KCNH5: variants seen among roughly 807,000 people sequenced by gnomAD.
The protein encoded by KCNH5 is voltage-gated delayed rectifier potassium channel KCNH5.
In KCNH5, 46 loss-of-function variants were observed where a neutral mutation model predicts 96.1. That is an observed-to-expected ratio of 0.48 (90% CI 0.38 to 0.61). KCNH5 has a LOEUF of 0.61. KCNH5 is among the 20% of genes least tolerant of loss of function. The pLI is 0.00. For missense variants in KCNH5, 907 were observed against 1,225.8 expected, an observed-to-expected ratio of 0.74 and a Z score of 3.88; for synonymous variants, 439 against 449.8, an observed-to-expected ratio of 0.98 and a Z score of 0.30.
intron 1 of KCNH5, among the ~76,000 whole-genome samples, chr14:63,027,829 T>C (rs1199667941): frequency 1.3e-5 from 2 of 152,100 alleles, no homozygotes; most frequent in Admixed American, 1.3e-4. Flanking sequence ...AATAGTGTTT[T>C]TCAAACTTTT....
At chr14:62,855,360 T>C (rs1887907601) in intron 7 of KCNH5, among the ~76,000 whole-genome samples, 1 of 152,214 alleles carries the variant, frequency 6.6e-6, no homozygotes, top group Admixed American at 6.5e-5. Flanking sequence ...TGTGATTGTA[T>C]GTGCAGGATA....
At chr14:62,919,120 A>C (rs904459941) in intron 7 of KCNH5, among the ~76,000 whole-genome samples, 4 of 152,128 alleles carry the variant, frequency 2.6e-5, no homozygotes, top group Non-Finnish European at 4.4e-5. Context: ...GTATAGTTTC[A>C]TACATAAAAA....
chr14:62,970,593 T>C lies in KCNH5; in HGVS notation c.942+10279A>G, dbSNP rs368755271. Reference sequence around the variant, plus strand: ...ATGTAAAAATTCTCAACAAAATGTTTTGTTAATATTTGATTTAAAAAAATT... The same window carrying C: ...ATGTAAAAATTCTCAACAAAATGTTCTGTTAATATTTGATTTAAAAAAATT... On this transcript the variant is annotated intron_variant, in intron 6 of 10. Transcript: ENST00000322893. Among the ~76,000 whole-genome samples, 13 of 152,312 alleles carry C rather than the reference T, an allele frequency of 8.5e-5. No individual in the cohort carries two copies. The East Asian group carries it at 2.5e-3, about 29-fold the overall frequency.
intron 7 of KCNH5, among the ~76,000 whole-genome samples, chr14:62,905,714 T>C (rs745418413): frequency 3.9e-5 from 6 of 152,264 alleles, no homozygotes; most frequent in Non-Finnish European, 7.3e-5. Context: ...GCAGTGTTAC[T>C]GAAGCCAGCC....
At chr14:62,875,426 A>G (rs1267419286) in intron 7 of KCNH5, among the ~76,000 whole-genome samples, 3 of 152,182 alleles carry the variant, frequency 2.0e-5, no homozygotes, top group African/African-American at 7.2e-5. Context: ...GCATCACTCT[A>G]CCCCACTTCA....
Position 62,704,359 on chromosome 14 carries a change from A to C in KCNH5, c.*3149T>G, listed in dbSNP as rs764388509. On this transcript the variant is annotated 3_prime_UTR_variant, in exon 11 of 11. Transcript: ENST00000322893. Reference sequence around the variant, plus strand: ...CATTCAATTCAACCACTGTGCCTGAACCATTTTCAGTACCATTCATATAGC... The same window carrying C: ...CATTCAATTCAACCACTGTGCCTGACCCATTTTCAGTACCATTCATATAGC... 1.3e-5 allele frequency: 2 copies of C among 151,846 alleles called. No homozygotes were observed. The highest frequency in any genetic ancestry group is 3.0e-5 in the Non-Finnish European group (2 of 67,786). The allele number at this position is 151,846 out of a possible 1,614,324, so 9.4% of individuals were successfully genotyped here.
intron 1 of KCNH5, among the ~76,000 whole-genome samples, chr14:63,039,336 T>C (rs952351714): frequency 3.3e-5 from 5 of 152,058 alleles, no homozygotes; most frequent in Non-Finnish European, 5.9e-5. Context: ...TTTTAAACAA[T>C]TTAGCTCTGT....
At chr14:62,763,564 G>A (rs535772592) in intron 10 of KCNH5, among the ~76,000 whole-genome samples, 10 of 152,094 alleles carry the variant, frequency 6.6e-5, no homozygotes, top group Admixed American at 3.3e-4. Flanking sequence ...AAATTGAAAC[G>A]TGAAAAAGCA....
At chr14:62,799,678 T>G (rs1222035405) in intron 9 of KCNH5, among the ~76,000 whole-genome samples, 1 of 123,176 alleles carries the variant, frequency 8.1e-6, no homozygotes, top group East Asian at 2.4e-4. Flanking sequence ...ATATCTTTTC[T>G]ATGTATATAC....
intron 8 of KCNH5, among the ~76,000 whole-genome samples, chr14:62,838,012 T>C (rs1335951929): frequency 6.6e-6 from 1 of 152,168 alleles, no homozygotes; most frequent in African/African-American, 2.4e-5. Context: ...TTCTCATTTA[T>C]TATCAAGATG....
chr14:62,704,572 C>T lies in KCNH5; in HGVS notation c.*2936G>A, dbSNP rs1447685560. On this transcript the variant is annotated 3_prime_UTR_variant, in exon 11 of 11. Transcript: ENST00000322893. ...TTGTTACAACCACCTGTCGAGGATA[C>T]AGCATCTGATCTTACCTATTAATAA... The T allele has an allele frequency of 6.6e-6, 1 of 151,912 alleles. No individual in the cohort carries two copies. The highest frequency in any genetic ancestry group is 1.5e-5 in the Non-Finnish European group (1 of 67,830). The allele number at this position is 151,912 out of a possible 1,614,324, so 9.4% of individuals were successfully genotyped here.
chr14:62,986,465 A>G (rs981397077), intron 5 of KCNH5, among the ~76,000 whole-genome samples: 2 of 152,008 alleles, frequency 1.3e-5, no homozygotes, highest in African/African-American at 4.8e-5. Context: ...ATACTACCTC[A>G]TCTCTGACCC....
At chr14:62,928,223 G>A (rs1332676450) in intron 7 of KCNH5, among the ~76,000 whole-genome samples, 1 of 152,072 alleles carries the variant, frequency 6.6e-6, no homozygotes, top group East Asian at 1.9e-4. Context: ...AAGTCATGCG[G>A]TGATAACCTC....
intron 7 of KCNH5, among the ~76,000 whole-genome samples, chr14:62,909,040 T>C (rs1335461297): frequency 4.1e-5 from 1 of 24,618 alleles, no homozygotes; most frequent in Non-Finnish European, 7.0e-5. Context: ...GTATTTTTTT[T>C]TTTTTTTTTT....
chr14:62,866,446 C>A (rs1310990818), intron 7 of KCNH5, among the ~76,000 whole-genome samples: 1 of 152,156 alleles, frequency 6.6e-6, no homozygotes, highest in Non-Finnish European at 1.5e-5. Context: ...CAAATGTTCA[C>A]CTTTTCAATA....
chr14:63,010,045 C>T (rs1013160972), intron 2 of KCNH5, among the ~76,000 whole-genome samples: 6 of 152,138 alleles, frequency 3.9e-5, no homozygotes, highest in Non-Finnish European at 8.8e-5. Flanking sequence ...ATGCCAAGCT[C>T]CTCCTTGGTA....
chr14:62,866,902 T>C (rs559625299), intron 7 of KCNH5, among the ~76,000 whole-genome samples: 13 of 152,290 alleles, frequency 8.5e-5, no homozygotes, highest in Admixed American at 5.2e-4. Context: ...CAAACAATCA[T>C]GTCCTGATAG....
rs1886173014 is a variant in KCNH5, at chr14:62,779,875, G to A, written c.1872C>T (p.Ala624=). 1.2e-6 allele frequency: 2 copies of A among 1,613,676 alleles called. No individual in the cohort carries two copies. Among genetic ancestry groups the A allele is most frequent in the South Asian group, 1.1e-5 (1 of 91,018 alleles). The change falls in exon 10 of 11, where the codon GCC becomes GCT. Residue 624 remains alanine, a synonymous_variant. Coordinates refer to ENST00000322893, the MANE Select transcript of KCNH5 (RefSeq NM_139318.5). Reference sequence around the variant, plus strand: ...GTGCCCGGACGTTCGCACATGCATGGGCAAGGGTGGTTTCCTTCCAGAAGA... The same window carrying A: ...GTGCCCGGACGTTCGCACATGCATGAGCAAGGGTGGTTTCCTTCCAGAAGA... ...GDIFWKETTL[A]HACANVRALT... is the part of the protein sequence containing the mutation.
At chr14:62,886,768 A>G (rs1888606462) in intron 7 of KCNH5, among the ~76,000 whole-genome samples, 1 of 152,172 alleles carries the variant, frequency 6.6e-6, no homozygotes, top group South Asian at 2.1e-4. Context: ...ATGGTACAGT[A>G]TAGTTTGAGG....
Sources: allele counts gnomAD v4.1 joint callset (sites outside exome capture counted in the v4.1 genomes callset), GRCh38; gene constraint gnomAD v4.1.1; transcripts MANE v1.5; gene names NCBI Gene and HGNC (gene_info 2026-07-23, HGNC 2026-07-21).